The following ITGAE variants were observed in gnomAD, a reference collection of about 807,000 sequenced individuals.
ITGAE encodes integrin subunit alpha E, also known as integrin alpha-E.
A neutral mutation model predicts 136.5 loss-of-function variants in ITGAE; 99 were observed. The ratio of observed to expected loss-of-function variants is 0.73; its 90% CI spans 0.62 to 0.86. The LOEUF (loss-of-function observed/expected upper bound fraction) is 0.86. Ranked by LOEUF, ITGAE falls within the 40% of genes least tolerant of loss-of-function variation. The probability of loss-of-function intolerance (pLI) is 0.00; values close to 1 mark genes in which losing one functional copy is unlikely to be tolerated. For missense variants in ITGAE, 1,447 were observed against 1,515.3 expected (o/e 0.95, Z 0.75); for synonymous variants, 613 against 591.8 (o/e 1.04, Z -0.52).
chr17:3,789,658 A>G (rs1050057951), intron 1 of ITGAE, among the ~76,000 whole-genome samples: 3 of 151,956 alleles, frequency 2.0e-5, no homozygotes, highest in Non-Finnish European at 4.4e-5. Flanking sequence ...GTGCCACCAC[A>G]CCCAGATCAA....
chr17:3,727,909 C>T lies in ITGAE; in HGVS notation c.3084+10G>A. The T allele has an allele frequency of 6.4e-7, 1 of 1,557,260 alleles. No homozygotes were observed. Among genetic ancestry groups the T allele is most frequent in the Non-Finnish European group, 8.9e-7 (1 of 1,128,642 alleles). On this transcript the variant is annotated intron_variant, in intron 26 of 30. Transcript: ENST00000263087. The stretch of plus-strand genomic sequence containing the variant: ...AGAGGTGTGACTGATAAAGAACTGC[C>T]TTTAAATACCTGAGTCCTCGTCAGC...
In ITGAE at chr17:3,755,023, C is replaced by T. The variant is rs570911101; in HGVS notation, c.1384+94G>A. ...TCGCCCAGGTAGGCCCCGCCCTCGC[C>T]CACGTAGCCCTCAGGCCCCACCCTC... On this transcript the variant is annotated intron_variant, in intron 12 of 30. Transcript: ENST00000263087. 5.9e-5 allele frequency: 76 copies of T among 1,299,058 alleles called. No homozygotes were observed. In the African/African-American group the frequency reaches 6.4e-4, roughly 11 times the overall value. The allele number at this position is 1,299,058 out of a possible 1,614,324, so 80.5% of individuals were successfully genotyped here. A position where few individuals can be genotyped will look rare whatever the true frequency, so the allele number is the denominator to read the frequency against.
intron 28 of ITGAE, among the ~76,000 whole-genome samples, chr17:3,721,260 CTTTTTTTTTTTTTTTTT>C (rs869087347): frequency 2.2e-5 from 1 of 46,200 alleles, no homozygotes; most frequent in African/African-American, 1.2e-4. Context: ...GAGATTTTTC[CTTTTTTTTTTTTTTTTT>C]TTTTTTTTTT....
chr17:3,790,806 G>GC (rs1359607829), intron 1 of ITGAE, among the ~76,000 whole-genome samples: 4 of 152,154 alleles, frequency 2.6e-5, no homozygotes, highest in African/African-American at 9.7e-5. Flanking sequence ...CACAGCAACC[G>GC]CATGTCATGT....
intron 1 of ITGAE, among the ~76,000 whole-genome samples, chr17:3,783,285 C>T (rs565819725): frequency 3.3e-5 from 5 of 152,142 alleles, no homozygotes; most frequent in Non-Finnish European, 5.9e-5. Context: ...GGATTACAGG[C>T]GCCCGCCACC....
rs555909120 is a variant in ITGAE, at chr17:3,740,408, G to A, written c.2449-530C>T. Among the ~76,000 whole-genome samples, 5 of 152,218 alleles carry A rather than the reference G, an allele frequency of 3.3e-5. No individual in the cohort carries two copies. The East Asian group carries it at 7.7e-4, about 23-fold the overall frequency. On this transcript the variant is annotated intron_variant, in intron 19 of 30. Coordinates refer to ENST00000263087, the MANE Select transcript of ITGAE (RefSeq NM_002208.5). ...TTTGTTTGTTTTCAGATGGAGTCTC[G>A]CTCTGTCATCCAGGCTGGAGTGCAA...
At chr17:3,738,274 G>A (rs1022518300) in intron 20 of ITGAE, among the ~76,000 whole-genome samples, 10 of 151,312 alleles carry the variant, frequency 6.6e-5, no homozygotes, top group Non-Finnish European at 1.3e-4. Flanking sequence ...GAGTTTGAGC[G>A]ATTCTCCTGC....
intron 26 of ITGAE, chr17:3,725,894 G>A (rs1320661417): frequency 1.2e-6 from 2 of 1,612,650 alleles, no homozygotes; most frequent in South Asian, 1.1e-5. Context: ...TACACTGGGG[G>A]AACGTGCTCT....
At position 3,775,690 on chromosome 17, in the gene ITGAE, G is replaced by T. The variant is rs142671930; in HGVS notation, c.155+1850C>A. Among the ~76,000 whole-genome samples the T allele has an allele frequency of 2.0e-4, 30 of 151,400 alleles. No homozygotes were observed. In the South Asian group the frequency reaches 5.8e-3, roughly 30 times the overall value. ...CGCCAGGTTGGCCAGCCTAGGTCTCGAATTCCTGACCTCAGGTGATCCACC... is the reference window on the plus strand; with the variant it reads ...CGCCAGGTTGGCCAGCCTAGGTCTCTAATTCCTGACCTCAGGTGATCCACC... On this transcript the variant is annotated intron_variant, in intron 2 of 30. Transcript: ENST00000263087.
chr17:3,720,448 C>T (rs555278816), intron 28 of ITGAE, 46 bp from the exon 29 acceptor site: 2 of 873,056 alleles, frequency 2.3e-6, no homozygotes, highest in East Asian at 4.8e-5. Flanking sequence ...ATATTTTAGA[C>T]ATGAACTCAC....
chr17:3,716,396 A>G (rs1021263262), intron 30 of ITGAE, among the ~76,000 whole-genome samples: 3 of 152,220 alleles, frequency 2.0e-5, no homozygotes, highest in Admixed American at 2.0e-4. Flanking sequence ...TCCAGGCCCT[A>G]TTGAACTCAC....
chr17:3,792,711 TTAA>T (rs2052972873), intron 1 of ITGAE, among the ~76,000 whole-genome samples: 1 of 152,228 alleles, frequency 6.6e-6, no homozygotes, highest in Admixed American at 6.5e-5. Flanking sequence ...ATCCTTTGGC[TTAA>T]TAAAATCATT....
At chr17:3,780,171 GTTTTTTT>G (rs34188634) in intron 1 of ITGAE, among the ~76,000 whole-genome samples, 3 of 120,524 alleles carry the variant, frequency 2.5e-5, no homozygotes, top group South Asian at 2.6e-4. Context: ...TTGTTTATTT[GTTTTTTT>G]TTTTTTTTTG....
intron 29 of ITGAE, chr17:3,717,285 C>T (rs1375095897): frequency 6.5e-6 from 1 of 154,546 alleles, no homozygotes; most frequent in South Asian, 2.0e-4. Context: ...TGGTAATACA[C>T]TTTCCCCACA....
Position 3,757,815 on chromosome 17 carries a change from G to A in ITGAE, c.911C>T (p.Ser304Phe). ...TSSHGSRRKA[S>F]KVMVVLTDGG... Reference sequence around the variant, plus strand: ...ATCGGTGAGCACCACCATGACCTTGGATGCCTTTCTCCTGGAGCCGTGGCT... The same window carrying A: ...ATCGGTGAGCACCACCATGACCTTGAATGCCTTTCTCCTGGAGCCGTGGCT... Residue 304 changes from serine to phenylalanine, a missense_variant, in exon 9 of 31, where the codon TCC becomes TTC. Physicochemically the swap from Ser to Phe is radical, Grantham distance 155. This residue lies in a region of ITGAE where 310 missense variants were observed against 416.1 expected (regional missense o/e 0.74). Transcript: ENST00000263087. The A allele has an allele frequency of 6.2e-7, 1 of 1,614,166 alleles. No homozygotes were observed. The highest frequency in any genetic ancestry group is 8.5e-7 in the Non-Finnish European group (1 of 1,180,036).
chr17:3,756,866 G>T, intron 10 of ITGAE, 118 bp downstream of exon 10: 2 of 1,105,030 alleles, frequency 1.8e-6, no homozygotes, highest in Non-Finnish European at 2.6e-6. Context: ...ACATGGAAGA[G>T]CTGAGGTTCA....
In ITGAE at chr17:3,728,124, T is replaced by G. The variant is rs1262805486; in HGVS notation, c.2957A>C (p.His986Pro). The change falls in exon 25 of 31, where the codon CAC becomes CCC. Residue 986 changes from histidine (H) to proline (P), a missense_variant. Physicochemically the swap from His to Pro is moderately conservative, Grantham distance 77. This residue lies in a region of ITGAE where 1,031 missense variants were observed against 1,011.4 expected (regional missense o/e 1.02). Coordinates refer to ENST00000263087, the MANE Select transcript of ITGAE (RefSeq NM_002208.5). ...ACTTACATGGAAGAGGAATTCTTTG[T>G]GGTGAGAAAGCCCCTGGCCTGTGTT... ...YVNTGQGLSH[H>P]KEFLFHVHGE... 7 of 1,613,216 alleles carry G rather than the reference T, an allele frequency of 4.3e-6. No individual in the cohort carries two copies. The highest frequency in any genetic ancestry group is 5.9e-6 in the Non-Finnish European group (7 of 1,179,236).
At chr17:3,737,451 C>T (rs2051484525) in intron 20 of ITGAE, among the ~76,000 whole-genome samples, 1 of 144,428 alleles carries the variant, frequency 6.9e-6, no homozygotes, top group African/African-American at 2.9e-5. Context: ...GTGCCGGTGG[C>T]TGAGTGGTGC....
At chr17:3,743,806 G>A (rs576145161) in intron 18 of ITGAE, among the ~76,000 whole-genome samples, 189 bp from the exon 19 acceptor site, 37 of 148,532 alleles carry the variant, frequency 2.5e-4, no homozygotes, top group African/African-American at 8.5e-4. Context: ...GGGTTCAAGC[G>A]ATTCTCCTAC....
Sources: allele counts gnomAD v4.1 joint callset (sites outside exome capture counted in the v4.1 genomes callset), GRCh38; gene constraint gnomAD v4.1.1; regional missense constraint gnomAD v4.1.1; transcripts MANE v1.5; gene names NCBI Gene and HGNC (gene_info 2026-07-23, HGNC 2026-07-21).